EFHB: variants seen among roughly 807,000 people sequenced by gnomAD.
EFHB encodes EF-hand domain-containing family member B.
Under a neutral mutation model 87.2 loss-of-function variants are expected in EFHB, and 91 were observed. The ratio of observed to expected loss-of-function variants is 1.04; its 90% CI spans 0.88 to 1.24. The LOEUF (loss-of-function observed/expected upper bound fraction) is 1.24. EFHB is among the 50% of genes most tolerant of loss of function. EFHB has a pLI of 0.00. For synonymous variants in EFHB, 325 were observed against 333.6 expected (o/e 0.97, Z 0.28); for missense variants, 1,084 against 998.8 (o/e 1.09, Z -1.15).
At chr3:19,903,551 G>T (rs1034047585) in intron 6 of EFHB, among the ~76,000 whole-genome samples, 5 of 151,746 alleles carry the variant, frequency 3.3e-5, no homozygotes, top group African/African-American at 1.2e-4. Context: ...TTTACACATA[G>T]TTTAACCATT....
intron 5 of EFHB, among the ~76,000 whole-genome samples, chr3:19,914,144 C>T (rs1199464088): frequency 6.6e-6 from 1 of 152,140 alleles, no homozygotes; most frequent in Non-Finnish European, 1.5e-5. Context: ...TAGAGATTCT[C>T]ACTATGTTGC....
chr3:19,920,845 T>C (rs1420964661), intron 1 of EFHB, among the ~76,000 whole-genome samples: 1 of 152,232 alleles, frequency 6.6e-6, no homozygotes, highest in Non-Finnish European at 1.5e-5. Flanking sequence ...TTCTGTGACA[T>C]GTTGAGGAAT....
intron 1 of EFHB, chr3:19,940,555 G>A (rs1217758895): frequency 2.0e-6 from 1 of 500,146 alleles, no homozygotes; most frequent in Admixed American, 2.1e-5. Context: ...GAATTCATAG[G>A]ATTCAAGGGA....
chr3:19,905,566 C>A (rs1694813705), intron 6 of EFHB, 54 bp downstream of exon 6: 2 of 1,553,678 alleles, frequency 1.3e-6, no homozygotes, highest in Non-Finnish European at 8.7e-7. Context: ...ATCAACTTTT[C>A]TTTAAGTCCA....
At chr3:19,886,200 T>C (rs1161014105) in intron 10 of EFHB, among the ~76,000 whole-genome samples, 1 of 152,178 alleles carries the variant, frequency 6.6e-6, no homozygotes, top group African/African-American at 2.4e-5. Context: ...TAGAGCTGTT[T>C]TCTATAAAAA....
intron 11 of EFHB, 72 bp downstream of exon 11, chr3:19,884,331 C>A: frequency 7.2e-7 from 1 of 1,387,308 alleles, no homozygotes. Flanking sequence ...CGGAGAAAGG[C>A]AGGGGACAAT....
At chr3:19,946,565 C>G (rs554477830) in intron 1 of EFHB, among the ~76,000 whole-genome samples, 46 of 152,310 alleles carry the variant, frequency 3.0e-4, no homozygotes, top group African/African-American at 1.1e-3. Flanking sequence ...TATTGTCAGG[C>G]GCCTAAAGGC....
intron 10 of EFHB, among the ~76,000 whole-genome samples, chr3:19,886,750 G>A (rs1052619752): frequency 2.1e-5 from 3 of 145,274 alleles, no homozygotes; most frequent in Admixed American, 6.8e-5. Context: ...GTACAACAAT[G>A]TAAGAATTTT....
At position 19,918,349 on chromosome 3, in the gene EFHB, C is replaced by CT. The variant is rs1438060423; in HGVS notation, c.1059dup (p.Glu354ArgfsTer6). 1.2e-6 allele frequency: 2 copies of CT among 1,611,480 alleles called. No homozygotes were observed. ...CGTCGATTGCTAAGATATATAGATT[C>CT]TTTTTTATCTTTAATTTTCTGTTGA... On this transcript the variant is annotated frameshift_variant, in exon 4 of 13. Transcript: ENST00000295824. LOFTEE classifies it high-confidence loss of function.
upstream of EFHB, chr3:19,936,337 G>GAAAAAAA: frequency 6.7e-6 from 3 of 447,844 alleles, no homozygotes; most frequent in Non-Finnish European, 7.9e-6. Context: ...GCGACAGACT[G>GAAAAAAA]AAAAAAAAAA....
chr3:19,913,889 G>C (rs1695140697), intron 5 of EFHB, among the ~76,000 whole-genome samples: 1 of 152,174 alleles, frequency 6.6e-6, no homozygotes, highest in Admixed American at 6.5e-5. Flanking sequence ...TACACCTAGA[G>C]TGAACTCATT....
chr3:19,912,609 C>A (rs930717481), intron 5 of EFHB, among the ~76,000 whole-genome samples: 2 of 151,990 alleles, frequency 1.3e-5, no homozygotes, highest in African/African-American at 4.8e-5. Context: ...ACTCTTATCC[C>A]GAGTAGATAG....
chr3:19,898,691 G>A (rs1694564337), intron 8 of EFHB, 87 bp downstream of exon 8: 1 of 1,246,100 alleles, frequency 8.0e-7, no homozygotes. Flanking sequence ...TTTGAAATAA[G>A]GAGATGGTGA....
chr3:19,933,150 C>T, intron 1 of EFHB, 80 bp downstream of exon 1: 1 of 1,451,946 alleles, frequency 6.9e-7, no homozygotes, highest in South Asian at 1.5e-5. Flanking sequence ...CAAACCAAAA[C>T]AAATTTTATC....
upstream of EFHB, among the ~76,000 whole-genome samples, chr3:19,935,576 G>A (rs1487376313): frequency 2.0e-5 from 3 of 151,820 alleles, no homozygotes; most frequent in African/African-American, 7.3e-5. Context: ...GCTGGGCATG[G>A]TGTCCAGCGC....
At chr3:19,928,820 G>A (rs1695723485) in intron 1 of EFHB, among the ~76,000 whole-genome samples, 1 of 151,944 alleles carries the variant, frequency 6.6e-6, no homozygotes, top group Non-Finnish European at 1.5e-5. Context: ...AGAGATAGAT[G>A]AAAGGTATAG....
intron 1 of EFHB, among the ~76,000 whole-genome samples, chr3:19,924,690 T>C (rs979785558): frequency 2.0e-5 from 3 of 152,184 alleles, no homozygotes; most frequent in African/African-American, 7.2e-5. Context: ...TTAGGATTCT[T>C]CTCATTTTTT....
intron 9 of EFHB, among the ~76,000 whole-genome samples, chr3:19,889,223 A>G (rs575668178): frequency 2.0e-5 from 3 of 152,308 alleles, no homozygotes; most frequent in Admixed American, 2.0e-4. Flanking sequence ...AGGGAAATGT[A>G]TAAGGGCTCT....
At chr3:19,936,455 T>TC (rs1447314595), upstream of EFHB, 2 of 431,660 alleles carry the variant, frequency 4.6e-6, no homozygotes, top group Non-Finnish European at 8.2e-6. Flanking sequence ...TCCTAGCTAC[T>TC]CAGGAGGCTG....
Sources: allele counts gnomAD v4.1 joint callset (sites outside exome capture counted in the v4.1 genomes callset), GRCh38; gene constraint gnomAD v4.1.1; transcripts MANE v1.5; gene names NCBI Gene and HGNC (gene_info 2026-07-23, HGNC 2026-07-21).